Variants in BANF2 observed in about 807,000 individuals in gnomAD.
The protein encoded by BANF2 is BANF family member 2.
A neutral mutation model predicts 8.0 loss-of-function variants in BANF2; 4 were observed. That is an observed-to-expected ratio of 0.50 (90% confidence interval 0.25 to 1.14). The LOEUF (loss-of-function observed/expected upper bound fraction) is 1.14. Ranked by LOEUF, BANF2 falls within the 50% of genes most tolerant of loss-of-function variation. The probability of loss-of-function intolerance (pLI) is 0.16; values close to 1 mark genes in which losing one functional copy is unlikely to be tolerated. For synonymous variants in BANF2, 50 were observed against 40.6 expected, an observed-to-expected ratio of 1.23 and a Z score of -0.88; for missense variants, 96 against 107.5, an observed-to-expected ratio of 0.89 and a Z score of 0.47.
chr20:17,731,016 C>A (rs1394148589), intron 3 of BANF2, among the ~76,000 whole-genome samples: 2 of 152,236 alleles, frequency 1.3e-5, no homozygotes, highest in Non-Finnish European at 2.9e-5. Flanking sequence ...GTAGCTCCTG[C>A]CTGTAATCCC....
intron 1 of BANF2, among the ~76,000 whole-genome samples, chr20:17,713,192 AGG>A (rs1238443287): frequency 6.6e-6 from 1 of 151,926 alleles, no homozygotes; most frequent in East Asian, 1.9e-4. Context: ...CCGGAGTTCA[AGG>A]CTGCAGTGAG....
intron 3 of BANF2, among the ~76,000 whole-genome samples, chr20:17,730,930 A>G (rs1263993064): frequency 6.6e-6 from 1 of 152,234 alleles, no homozygotes; most frequent in Admixed American, 6.5e-5. Flanking sequence ...ATTAAAAGAC[A>G]GGGAGGAGGA....
intron 3 of BANF2, among the ~76,000 whole-genome samples, chr20:17,730,458 A>T (rs2037877727): frequency 6.6e-6 from 1 of 151,708 alleles, no homozygotes; most frequent in Non-Finnish European, 1.5e-5. Context: ...TCACCTCCTT[A>T]CCAGCGAGGC....
At chr20:17,722,404 G>A (rs2037745223) in intron 1 of BANF2, among the ~76,000 whole-genome samples, 1 of 152,190 alleles carries the variant, frequency 6.6e-6, no homozygotes, top group South Asian at 2.1e-4. Flanking sequence ...CTCAGCAAAG[G>A]CAGAGCGGCT....
chr20:17,693,766 G>C, intron 1 of BANF2: 1 of 1,537,102 alleles, frequency 6.5e-7, no homozygotes, highest in Non-Finnish European at 8.8e-7. Flanking sequence ...GGGGAAAGGA[G>C]GCAAGGACAA....
At chr20:17,710,424 A>G (rs997217197) in intron 1 of BANF2, among the ~76,000 whole-genome samples, 5 of 152,122 alleles carry the variant, frequency 3.3e-5, no homozygotes, top group Non-Finnish European at 7.4e-5. Context: ...AATAGGAACA[A>G]TTCTCTAATG....
chr20:17,696,302 G>A (rs2037345716), upstream of BANF2, among the ~76,000 whole-genome samples: 1 of 152,172 alleles, frequency 6.6e-6, no homozygotes, highest in Non-Finnish European at 1.5e-5. Flanking sequence ...ACCACACCCA[G>A]CTTGTAGATG....
chr20:17,732,501 C>T (rs767850175), intron 3 of BANF2, among the ~76,000 whole-genome samples: 21 of 152,164 alleles, frequency 1.4e-4, no homozygotes, highest in East Asian at 1.9e-4. Flanking sequence ...GGATTACACG[C>T]GGCTGCCACC....
At chr20:17,706,911 T>C (rs2037489595) in intron 1 of BANF2, among the ~76,000 whole-genome samples, 1 of 152,144 alleles carries the variant, frequency 6.6e-6, no homozygotes, top group South Asian at 2.1e-4. Context: ...GTGAGCAGGA[T>C]GGAATATACA....
chr20:17,733,219 T>C (rs891998908), intron 3 of BANF2, among the ~76,000 whole-genome samples: 1 of 152,188 alleles, frequency 6.6e-6, no homozygotes, highest in Non-Finnish European at 1.5e-5. Context: ...GGGCAGGGGA[T>C]GCATTAGCCT....
At chr20:17,710,814 G>A (rs1045496060) in intron 1 of BANF2, among the ~76,000 whole-genome samples, 1 of 152,150 alleles carries the variant, frequency 6.6e-6, no homozygotes, top group African/African-American at 2.4e-5. Flanking sequence ...AACGGCGGCT[G>A]AGCCAGGAGT....
intron 3 of BANF2, 138 bp downstream of exon 3, chr20:17,725,289 G>A: frequency 2.7e-6 from 3 of 1,093,768 alleles, no homozygotes; most frequent in Non-Finnish European, 4.0e-6. Context: ...GGTGCCACAT[G>A]CTTTCGTGCT....
At chr20:17,721,465 C>G (rs11697043) in intron 1 of BANF2, among the ~76,000 whole-genome samples, 16,142 of 151,422 alleles carry the variant, frequency 0.11, 1,120 homozygotes, top group Middle Eastern at 0.28. Context: ...AATCTCAGCT[C>G]ACTGCAACCT....
At chr20:17,716,165 G>A (rs2044161792) in intron 1 of BANF2, among the ~76,000 whole-genome samples, 1 of 152,180 alleles carries the variant, frequency 6.6e-6, no homozygotes, top group South Asian at 2.1e-4. Context: ...ACAAAATGGA[G>A]CCCTGTGGAA....
intron 1 of BANF2, among the ~76,000 whole-genome samples, chr20:17,715,200 C>T (rs1044546498): frequency 1.3e-5 from 2 of 152,128 alleles, no homozygotes; most frequent in Admixed American, 6.5e-5. Context: ...GAAGCTGAGC[C>T]GCCACCTCCT....
intron 1 of BANF2, among the ~76,000 whole-genome samples, chr20:17,714,595 C>T (rs769387596): frequency 1.2e-4 from 18 of 152,132 alleles, no homozygotes; most frequent in Non-Finnish European, 1.9e-4. Flanking sequence ...TTTGCCTTGG[C>T]TGCAGGCATG....
At chr20:17,704,216 G>C (rs577703587) in intron 1 of BANF2, among the ~76,000 whole-genome samples, 13 of 152,338 alleles carry the variant, frequency 8.5e-5, no homozygotes, top group African/African-American at 2.9e-4. Context: ...AGGGGTCTAT[G>C]GACACGCTAC....
At chr20:17,713,591 T>C (rs1029065845) in intron 1 of BANF2, among the ~76,000 whole-genome samples, 3 of 151,844 alleles carry the variant, frequency 2.0e-5, no homozygotes, top group African/African-American at 7.3e-5. Context: ...CCCAGCACTT[T>C]GGAAAGCAGA....
At chr20:17,718,915 T>A (rs1293422428) in intron 1 of BANF2, among the ~76,000 whole-genome samples, 2 of 152,224 alleles carry the variant, frequency 1.3e-5, no homozygotes, top group Non-Finnish European at 1.5e-5. Flanking sequence ...GAACACCCTG[T>A]AATACAAGAA....
Sources: allele counts gnomAD v4.1 joint callset (sites outside exome capture counted in the v4.1 genomes callset), GRCh38; gene constraint gnomAD v4.1.1; transcripts MANE v1.5; gene names NCBI Gene and HGNC (gene_info 2026-07-23, HGNC 2026-07-21).